CEP85: variants seen among roughly 807,000 people sequenced by gnomAD.
CEP85 encodes centrosomal protein of 85 kDa.
In CEP85, 58 loss-of-function variants were observed where a neutral mutation model predicts 93.7. That is an observed-to-expected ratio of 0.62 (90% CI 0.50 to 0.77). The LOEUF (loss-of-function observed/expected upper bound fraction) is 0.77, where lower values mean the gene tolerates loss of function less well. Among genes scored for constraint, CEP85 ranks in the 30% least tolerant of loss-of-function variants. The pLI is 0.00. For missense variants in CEP85, 868 were observed against 922.0 expected (o/e 0.94, Z 0.76); for synonymous variants, 314 against 338.6 (o/e 0.93, Z 0.80).
At chr1:26,256,055 A>G (rs142145625) in intron 4 of CEP85, among the ~76,000 whole-genome samples, 190 bp downstream of exon 4, 1 of 152,332 alleles carries the variant, frequency 6.6e-6, no homozygotes, top group African/African-American at 2.4e-5. Flanking sequence ...AGCACCAGAT[A>G]GGGTCTCCAA....
chr1:26,258,315 T>G (rs2089752407), intron 6 of CEP85, 55 bp downstream of exon 6: 1 of 1,115,446 alleles, frequency 9.0e-7, no homozygotes, highest in African/African-American at 1.5e-5. Context: ...GTGTCTTCCC[T>G]ATGCTTGACA....
chr1:26,256,928 G>GGTGTGTGTGTGTGTGTGT (rs71004573), intron 4 of CEP85, among the ~76,000 whole-genome samples: 7,775 of 111,378 alleles, frequency 0.07, 401 homozygotes, highest in African/African-American at 0.076. Flanking sequence ...GTTTTGTTTT[G>GGTGTGTGTGTGTGTGTGT]GTGTGTGTGT....
chr1:26,259,883 C>A, intron 7 of CEP85, 81 bp downstream of exon 7: 2 of 1,204,564 alleles, frequency 1.7e-6, no homozygotes, highest in African/African-American at 1.5e-5. Context: ...CTGTTTCTGG[C>A]CTGGAACTAA....
At chr1:26,259,883 C>T (rs543509334) in intron 7 of CEP85, 81 bp downstream of exon 7, 3 of 1,204,456 alleles carry the variant, frequency 2.5e-6, no homozygotes, top group Non-Finnish European at 2.3e-6. Context: ...CTGTTTCTGG[C>T]CTGGAACTAA....
intron 2 of CEP85, among the ~76,000 whole-genome samples, chr1:26,243,427 C>T (rs2089458865): frequency 6.6e-6 from 1 of 151,992 alleles, no homozygotes; most frequent in African/African-American, 2.4e-5. Context: ...CCAAAAGCAC[C>T]ATTGAGAAAC....
At chr1:26,275,473 G>T (rs1402069233) in intron 12 of CEP85, among the ~76,000 whole-genome samples, 1 of 152,078 alleles carries the variant, frequency 6.6e-6, no homozygotes, top group Non-Finnish European at 1.5e-5. Context: ...TTGAGGTGGG[G>T]TTTCACCATG....
chr1:26,253,276 T>C (rs972152749), intron 3 of CEP85, among the ~76,000 whole-genome samples: 1 of 152,192 alleles, frequency 6.6e-6, no homozygotes, highest in Non-Finnish European at 1.5e-5. Context: ...TATTTTTAGT[T>C]TTTTGAGGAG....
At chr1:26,261,946 G>A (rs868244223) in intron 7 of CEP85, among the ~76,000 whole-genome samples, 3 of 151,868 alleles carry the variant, frequency 2.0e-5, no homozygotes, top group South Asian at 2.1e-4. Flanking sequence ...CAAGGCAGGC[G>A]AATCACTTGA....
intron 7 of CEP85, among the ~76,000 whole-genome samples, chr1:26,266,382 G>C (rs1400555351): frequency 6.6e-6 from 1 of 152,078 alleles, no homozygotes; most frequent in African/African-American, 2.4e-5. Flanking sequence ...GCAAGACCCT[G>C]TCTCAAAAAA....
chr1:26,252,207 G>T (rs1292097384), intron 3 of CEP85, among the ~76,000 whole-genome samples: 2 of 151,046 alleles, frequency 1.3e-5, no homozygotes, highest in Non-Finnish European at 2.9e-5. Flanking sequence ...CTCCAGCCTG[G>T]ACAACAGAGT....
chr1:26,252,303 C>T (rs1199102042), intron 3 of CEP85, among the ~76,000 whole-genome samples: 4 of 151,958 alleles, frequency 2.6e-5, no homozygotes, highest in South Asian at 2.1e-4. Flanking sequence ...GAGGCCGAGG[C>T]GGGCGGATCA....
intron 3 of CEP85, among the ~76,000 whole-genome samples, chr1:26,244,872 T>A (rs1199312104): frequency 2.0e-5 from 3 of 152,160 alleles, no homozygotes; most frequent in African/African-American, 4.8e-5. Flanking sequence ...TTCCCTCTGC[T>A]GCCAGATTAT....
chr1:26,251,807 G>A (rs552285301), intron 3 of CEP85, among the ~76,000 whole-genome samples: 14 of 152,258 alleles, frequency 9.2e-5, no homozygotes, highest in Admixed American at 3.3e-4. Flanking sequence ...CTGGAAGGAG[G>A]TATTGCAAAG....
intron 9 of CEP85, 126 bp downstream of exon 9, chr1:26,269,740 C>A: frequency 6.6e-6 from 3 of 454,022 alleles, no homozygotes; most frequent in East Asian, 4.2e-5. Flanking sequence ...GCTTTGTTTT[C>A]TTTGGACTGT....
At chr1:26,272,626 T>TTTTC (rs2089993226) in intron 11 of CEP85, among the ~76,000 whole-genome samples, 1 of 135,298 alleles carries the variant, frequency 7.4e-6, no homozygotes, top group Non-Finnish European at 1.6e-5. Flanking sequence ...CATTTTTTTT[T>TTTTC]TTTTTTTTTT....
chr1:26,258,817 G>A (rs2089762817), intron 6 of CEP85, among the ~76,000 whole-genome samples: 1 of 152,040 alleles, frequency 6.6e-6, no homozygotes, highest in African/African-American at 2.4e-5. Context: ...GGCTGGTCTC[G>A]AACTCCTGAC....
rs766080843 is a variant in CEP85, at chr1:26,278,740, A to G, written c.*1447A>G. 2.0e-5 allele frequency: 3 copies of G among 152,618 alleles called. No individual in the cohort carries two copies. The highest frequency in any genetic ancestry group is 2.9e-5 in the Non-Finnish European group (2 of 68,046). The allele number at this position is 152,618 out of a possible 1,614,324, so 9.5% of individuals were successfully genotyped here. A position where few individuals can be genotyped will look rare whatever the true frequency, so the allele number is the denominator to read the frequency against. ...ATAAAGTTTATAACCAGTTATTTAT[A>G]TGAATCTTTGTTATGTCCATTTGTT... On this transcript the variant is annotated 3_prime_UTR_variant, in exon 14 of 14. Transcript: ENST00000451429.
Position 26,252,197 on chromosome 1 carries a change from C to T in CEP85, c.209-2974C>T, listed in dbSNP as rs562525845. On this transcript the variant is annotated intron_variant, in intron 3 of 13. Transcript: ENST00000451429. ...GGTGAGCCAAGATCGTGCCACTGCA[C>T]TCCAGCCTGGACAACAGAGTGAGTG... Among the ~76,000 whole-genome samples, 23 of 151,668 alleles carry T rather than the reference C, an allele frequency of 1.5e-4. No individual in the cohort carries two copies. The East Asian group carries it at 2.5e-3, about 17-fold the overall frequency.
rs1425323449 is a variant in CEP85 at position 26,250,940 on chromosome 1, T to C, written c.209-4231T>C. Among the ~76,000 whole-genome samples the C allele has an allele frequency of 2.0e-3, 263 of 132,860 alleles. 8 individuals are homozygous for C. Among genetic ancestry groups the C allele is most frequent in the South Asian group, 5.5e-3 (19 of 3,450 alleles). The allele number at this position is 132,860 out of a possible 152,430, so 87.2% of individuals were successfully genotyped here. On this transcript the variant is annotated intron_variant, in intron 3 of 13. Transcript: ENST00000451429. ...TTTTTTTTTTCTTTTTTCTTTTTTT[T>C]TTTTTTTTTTTTTTTTTTGAGACAG...
Sources: allele counts gnomAD v4.1 joint callset (sites outside exome capture counted in the v4.1 genomes callset), GRCh38; gene constraint gnomAD v4.1.1; transcripts MANE v1.5; gene names NCBI Gene and HGNC (gene_info 2026-07-23, HGNC 2026-07-21).